CRYBG1: variants seen among roughly 807,000 people sequenced by gnomAD.
CRYBG1 encodes the protein crystallin beta-gamma domain containing 1.
A neutral mutation model predicts 189.2 loss-of-function variants in CRYBG1; 139 were observed. The ratio of observed to expected loss-of-function variants is 0.73; its 90% CI spans 0.64 to 0.85. The LOEUF (loss-of-function observed/expected upper bound fraction) is 0.85, where lower values mean the gene tolerates loss of function less well. Ranked by LOEUF, CRYBG1 falls within the 40% of genes least tolerant of loss-of-function variation. The pLI, the probability that CRYBG1 is intolerant of heterozygous loss-of-function variation, is 0.00. For synonymous variants in CRYBG1, 1,023 were observed against 1,017.1 expected (o/e 1.01, Z -0.11); for missense variants, 2,611 against 2,675.8 (o/e 0.98, Z 0.53).
intron 2 of CRYBG1, among the ~76,000 whole-genome samples, chr6:106,452,879 A>C (rs1230887768): frequency 6.6e-6 from 1 of 152,226 alleles, no homozygotes; most frequent in East Asian, 1.9e-4. Context: ...GAGCTAGTTT[A>C]GCTGCCAGGC....
At chr6:106,561,661 T>G (rs1172761614) in intron 20 of CRYBG1, among the ~76,000 whole-genome samples, 161 bp downstream of exon 20, 2 of 152,206 alleles carry the variant, frequency 1.3e-5, no homozygotes, top group Non-Finnish European at 2.9e-5. Flanking sequence ...ATCCTAGCTC[T>G]GATAGAACCA....
chr6:106,525,355 C>T lies in CRYBG1; in HGVS notation c.4381C>T (p.Pro1461Ser), dbSNP rs200584456. The change falls in exon 6 of 22, where the codon CCA (proline) becomes TCA (serine). Residue 1461 changes from proline to serine, a missense_variant. Pro to Ser is a moderately conservative substitution (Grantham distance 74). Transcript: ENST00000633556. The part of the protein sequence containing the change: ...IQDCSSWSLS[P>S]VILIKVVRGC... ...GGATTGCAGTTCTTGGAGCCTCTCT[C>T]CAGTGATACTCATAAAAGTTGTTAG... is the stretch of plus-strand genomic sequence containing the variant. 2.2e-5 allele frequency: 36 copies of T among 1,614,080 alleles called. No homozygotes were observed. The Middle Eastern group carries it at 8.3e-4, about 37-fold the overall frequency.
chr6:106,418,998 C>A (rs186451643), intron 1 of CRYBG1, among the ~76,000 whole-genome samples: 280 of 152,284 alleles, frequency 1.8e-3, no homozygotes, highest in Non-Finnish European at 3.2e-3. Context: ...AAGCTGGCCA[C>A]CCTACCCTAA....
intron 2 of CRYBG1, among the ~76,000 whole-genome samples, chr6:106,462,315 C>T (rs1208815362): frequency 6.6e-6 from 1 of 152,162 alleles, no homozygotes; most frequent in East Asian, 1.9e-4. Flanking sequence ...GGACTACAGG[C>T]GCCCGCCACC....
At chr6:106,475,351 A>C (rs1352481858) in intron 2 of CRYBG1, among the ~76,000 whole-genome samples, 1 of 152,222 alleles carries the variant, frequency 6.6e-6, no homozygotes, top group Non-Finnish European at 1.5e-5. Context: ...CGAAAAAGTT[A>C]AAACAGAACA....
At chr6:106,506,337 G>A (rs1259676791) in intron 2 of CRYBG1, among the ~76,000 whole-genome samples, 1 of 151,904 alleles carries the variant, frequency 6.6e-6, no homozygotes, top group Non-Finnish European at 1.5e-5. Flanking sequence ...TGTTCTCAAG[G>A]AGCTTACATT....
At chr6:106,441,523 T>C (rs541603116) in intron 1 of CRYBG1, among the ~76,000 whole-genome samples, 1 of 152,278 alleles carries the variant, frequency 6.6e-6, no homozygotes, top group East Asian at 1.9e-4. Context: ...TACATAAAGA[T>C]TTTTCATGAG....
In CRYBG1 at chr6:106,539,472, C is replaced by T; in HGVS notation, c.4788C>T (p.Asp1596=). 4.3e-6 allele frequency: 7 copies of T among 1,613,908 alleles called. No individual in the cohort carries two copies. Among genetic ancestry groups the T allele is most frequent in the African/African-American group, 4.0e-5 (3 of 75,012 alleles). The part of the protein sequence containing the change: ...PFILEPGEYP[D]LSFWDTEEAY... ...TCCTGGAACCTGGTGAATACCCTGA[C>T]TTGTCCTTCTGGGATACAGAAGAAG... Residue 1596 remains aspartate (D), a synonymous_variant, in exon 9 of 22, where the codon GAC becomes GAT. Transcript: ENST00000633556.
intron 13 of CRYBG1, among the ~76,000 whole-genome samples, chr6:106,547,864 C>T (rs530954178): frequency 6.6e-6 from 1 of 152,046 alleles, no homozygotes; most frequent in Non-Finnish European, 1.5e-5. Flanking sequence ...CTGGAAATGT[C>T]GAAAGAAACT....
intron 2 of CRYBG1, among the ~76,000 whole-genome samples, chr6:106,510,841 G>A (rs1177030577): frequency 2.0e-5 from 3 of 152,238 alleles, no homozygotes; most frequent in East Asian, 1.9e-4. Context: ...TCCGGCTAAG[G>A]CGGGGCCCAG....
chr6:106,390,146 G>A (rs1216017588), intron 1 of CRYBG1, among the ~76,000 whole-genome samples: 2 of 151,964 alleles, frequency 1.3e-5, no homozygotes, highest in East Asian at 3.8e-4. Context: ...ATTGTTCAGG[G>A]ACAAATAGCA....
At chr6:106,364,727 ACT>A (rs747650429) in intron 1 of CRYBG1, among the ~76,000 whole-genome samples, 4 of 152,116 alleles carry the variant, frequency 2.6e-5, no homozygotes, top group Admixed American at 6.5e-5. Context: ...TTTAAATTAT[ACT>A]CTGTCTTGTG....
intron 18 of CRYBG1, among the ~76,000 whole-genome samples, chr6:106,560,093 GA>G (rs897497395): frequency 2.0e-4 from 31 of 151,520 alleles, no homozygotes; most frequent in Non-Finnish European, 3.5e-4. Context: ...GACCTACCTG[GA>G]AAAAAAAATT....
chr6:106,398,332 T>C (rs1044219390), intron 1 of CRYBG1, among the ~76,000 whole-genome samples: 13 of 152,052 alleles, frequency 8.5e-5, no homozygotes, highest in Admixed American at 8.5e-4. Context: ...CTGGGCAACA[T>C]GGCAAGGAGG....
At chr6:106,462,662 A>G (rs1772037698) in intron 2 of CRYBG1, among the ~76,000 whole-genome samples, 1 of 152,218 alleles carries the variant, frequency 6.6e-6, no homozygotes, top group Non-Finnish European at 1.5e-5. Flanking sequence ...TTTGCAGCAT[A>G]CCAAGTTCTT....
intron 17 of CRYBG1, among the ~76,000 whole-genome samples, 153 bp from the exon 18 acceptor site, chr6:106,558,333 C>T (rs1774608848): frequency 6.6e-6 from 1 of 152,014 alleles, no homozygotes; most frequent in South Asian, 2.1e-4. Flanking sequence ...GCTTGGAGTA[C>T]ACAAACATCC....
chr6:106,396,952 T>C (rs984740965), intron 1 of CRYBG1, among the ~76,000 whole-genome samples: 1 of 152,236 alleles, frequency 6.6e-6, no homozygotes, highest in African/African-American at 2.4e-5. Context: ...ATTGCTGGGA[T>C]TACAGGCATG....
At chr6:106,435,172 CATT>C (rs139037656) in intron 1 of CRYBG1, among the ~76,000 whole-genome samples, 1 of 151,912 alleles carries the variant, frequency 6.6e-6, no homozygotes, top group Non-Finnish European at 1.5e-5. Flanking sequence ...ACTACAAAGT[CATT>C]ATTATTATTA....
intron 1 of CRYBG1, among the ~76,000 whole-genome samples, chr6:106,444,484 G>A (rs1356927765): frequency 3.3e-5 from 5 of 152,076 alleles, no homozygotes; most frequent in East Asian, 1.9e-4. Flanking sequence ...TTTGGTCCTC[G>A]GCCTTGGCTT....
Sources: allele counts gnomAD v4.1 joint callset (sites outside exome capture counted in the v4.1 genomes callset), GRCh38; gene constraint gnomAD v4.1.1; transcripts MANE v1.5; gene names NCBI Gene and HGNC (gene_info 2026-07-23, HGNC 2026-07-21).